The following DPP9 variants were observed in gnomAD, a reference collection of about 807,000 sequenced individuals.
DPP9 encodes the protein dipeptidyl peptidase IV-related protein-2.
In DPP9, 50 loss-of-function variants were observed where a neutral mutation model predicts 110.7. That is an observed-to-expected ratio of 0.45 (90% confidence interval 0.36 to 0.57). The LOEUF (loss-of-function observed/expected upper bound fraction) is 0.57. Among genes scored for constraint, DPP9 ranks in the 20% least tolerant of loss-of-function variants. The pLI is 0.00. For synonymous variants in DPP9, 561 were observed against 514.4 expected (o/e 1.09, Z -1.23); for missense variants, 1,022 against 1,217.9 (o/e 0.84, Z 2.39).
intron 20 of DPP9, 47 bp from the exon 21 acceptor site, chr19:4,679,993 G>A: frequency 4.3e-6 from 6 of 1,398,124 alleles, no homozygotes; most frequent in Non-Finnish European, 6.0e-6. Flanking sequence ...TTGTCCGTGG[G>A]GTAGGAGGGG....
chr19:4,684,637 C>T lies in DPP9; in HGVS notation c.2178+26G>A. The T allele has an allele frequency of 6.2e-7, 1 of 1,612,456 alleles. No individual in the cohort carries two copies. Among genetic ancestry groups the T allele is most frequent in the Non-Finnish European group, 8.5e-7 (1 of 1,179,364 alleles). The stretch of plus-strand genomic sequence containing the variant: ...GCTCCCTTCCCGAGACCCAAAGGAC[C>T]CAGAGCAACAGGGAGGAGTTGTTAC... On this transcript the variant is annotated intron_variant, in intron 18 of 21. Transcript: ENST00000262960. The surrounding 1 kb of genome is among the most constrained non-coding windows in gnomAD (Gnocchi z 4.8).
intron 11 of DPP9, among the ~76,000 whole-genome samples, chr19:4,696,462 CAAA>C (rs556314195): frequency 3.0e-5 from 2 of 66,120 alleles, no homozygotes; most frequent in African/African-American, 5.2e-5. Context: ...CTTGTCTCTA[CAAA>C]AAAAAAAAAA....
At chr19:4,714,641 G>A (rs1420873946) in intron 3 of DPP9, among the ~76,000 whole-genome samples, 4 of 152,122 alleles carry the variant, frequency 2.6e-5, no homozygotes, top group Non-Finnish European at 5.9e-5. Flanking sequence ...ATCCTCCTGC[G>A]TCAGCCTCCC....
intron 9 of DPP9, among the ~76,000 whole-genome samples, chr19:4,701,256 C>T (rs2092235532): frequency 6.6e-6 from 1 of 152,120 alleles, no homozygotes; most frequent in South Asian, 2.1e-4. Flanking sequence ...CCACTTGAGG[C>T]CAGGAGTTCG....
At position 4,676,232 on chromosome 19, in the gene DPP9, G is replaced by A. The variant is rs2088819358; in HGVS notation, c.*332C>T. On this transcript the variant is annotated 3_prime_UTR_variant, in exon 22 of 22. Coordinates refer to ENST00000262960, the MANE Select transcript of DPP9 (RefSeq NM_139159.5). This position sits in a 1 kb window ranked among gnomAD's most constrained non-coding sequence, Gnocchi z 4.0. ...AGGTCACAGGGAGCCCCAGGCGGAA[G>A]GCAGCCCGCTCCTCTGAGTCTCTTC... 6.5e-6 allele frequency: 2 copies of A among 305,598 alleles called. No individual in the cohort carries two copies. The highest frequency in any genetic ancestry group is 4.7e-5 in the Admixed American group (1 of 21,420). 18.9% of individuals were successfully genotyped at this position (305,598 alleles called of 1,614,324 possible).
Position 4,703,787 on chromosome 19 carries a change from G to T in DPP9, c.769+99C>A, listed in dbSNP as rs544470213. ...TATGCACGGGAGGGTGGCTTGTGAG[G>T]GGTGTGTGCAGGAAGACCCTGGCTG... On this transcript the variant is annotated intron_variant, in intron 7 of 21. Transcript: ENST00000262960. 7.9e-5 allele frequency: 103 copies of T among 1,310,790 alleles called. 1 individual carries two copies. In the South Asian group the frequency reaches 1.3e-3, roughly 17 times the overall value. 81.2% of individuals were successfully genotyped at this position (1,310,790 alleles called of 1,614,324 possible). A position where few individuals can be genotyped will look rare whatever the true frequency, so the allele number is the denominator to read the frequency against.
At chr19:4,696,102 T>C (rs2091779151) in intron 11 of DPP9, among the ~76,000 whole-genome samples, 2 of 152,108 alleles carry the variant, frequency 1.3e-5, no homozygotes, top group Admixed American at 6.6e-5. Flanking sequence ...GGTTTCATCA[T>C]GTTGGCCAGG....
In DPP9 at chr19:4,694,988, A is replaced by T. The variant is rs2091666900; in HGVS notation, c.1354-165T>A. 1 of 640,726 alleles carries T rather than the reference A, an allele frequency of 1.6e-6. No homozygotes were observed. Among genetic ancestry groups the T allele is most frequent in the Non-Finnish European group, 2.7e-6 (1 of 375,412 alleles). The allele number at this position is 640,726 out of a possible 1,614,324, so 39.7% of individuals were successfully genotyped here. ...AACATAGTAAGACCCCACCTCTAAAAATAAATAAATAAATTAGCCAGGCAT... is the reference window on the plus strand; with the variant it reads ...AACATAGTAAGACCCCACCTCTAAATATAAATAAATAAATTAGCCAGGCAT... On this transcript the variant is annotated intron_variant, in intron 12 of 21. Transcript: ENST00000262960. This position sits in a 1 kb window ranked among gnomAD's most constrained non-coding sequence, Gnocchi z 4.0.
At chr19:4,691,133 A>G (rs954265295) in intron 13 of DPP9, among the ~76,000 whole-genome samples, 176 bp from the exon 14 acceptor site, 1 of 152,174 alleles carries the variant, frequency 6.6e-6, no homozygotes, top group Non-Finnish European at 1.5e-5. Flanking sequence ...ATGGGCAAGG[A>G]AGCCTGCGGG....
intron 20 of DPP9, among the ~76,000 whole-genome samples, chr19:4,680,695 A>C (rs753676229): frequency 6.8e-6 from 1 of 147,638 alleles, no homozygotes; most frequent in Non-Finnish European, 1.5e-5. Flanking sequence ...GGTGGCTTAC[A>C]CCTGTAATCC....
chr19:4,690,124 G>A (rs779843504), intron 14 of DPP9, among the ~76,000 whole-genome samples: 30 of 152,348 alleles, frequency 2.0e-4, no homozygotes, highest in Middle Eastern at 3.4e-3. Context: ...AGGTGCTTGG[G>A]TTCAGAAGTG....
At chr19:4,697,528 G>A (rs748882676) in intron 11 of DPP9, 23 bp downstream of exon 11, 29 of 1,602,150 alleles carry the variant, frequency 1.8e-5, no homozygotes, top group African/African-American at 2.7e-5. Flanking sequence ...TGAATTCCTT[G>A]GGTTCCAGCC....
chr19:4,685,929 TC>T lies in DPP9; in HGVS notation c.1886-159del. On this transcript the variant is annotated intron_variant, in intron 16 of 21. Coordinates refer to ENST00000262960, the MANE Select transcript of DPP9 (RefSeq NM_139159.5). The surrounding 1 kb of genome is among the most constrained non-coding windows in gnomAD (Gnocchi z 5.8). Reference sequence around the variant, plus strand: ...GATAATTGAAAAAAACGTTTTTTTTTCATTAAATAAGATTTGTACAGTTTTT... The same window carrying T: ...GATAATTGAAAAAAACGTTTTTTTTTATTAAATAAGATTTGTACAGTTTTT... 1 of 793,932 alleles carries T rather than the reference TC, an allele frequency of 1.3e-6. No homozygotes were observed. Among genetic ancestry groups the T allele is most frequent in the South Asian group, 1.9e-5 (1 of 53,598 alleles). 49.2% of individuals were successfully genotyped at this position (793,932 alleles called of 1,614,324 possible).
At chr19:4,719,363 T>TAAATAAAC (rs1200820020) in intron 3 of DPP9, 10 of 131,726 alleles carry the variant, frequency 7.6e-5, no homozygotes, top group African/African-American at 2.7e-4. Context: ...AATAAATAAA[T>TAAATAAAC]AAATAAAAAT....
At position 4,684,147 on chromosome 19, in the gene DPP9, G is replaced by A. The variant is rs1293923144; in HGVS notation, c.2178+516C>T. ...CCCACTCATGTGAATGGGATGAGGG[G>A]CCCTTATAAAAGGGCCTGATGGAGG... On this transcript the variant is annotated intron_variant, in intron 18 of 21. Coordinates refer to ENST00000262960, the MANE Select transcript of DPP9 (RefSeq NM_139159.5). The surrounding 1 kb of genome is among the most constrained non-coding windows in gnomAD (Gnocchi z 4.8). 1 of 285,632 alleles carries A rather than the reference G, an allele frequency of 3.5e-6. No homozygotes were observed. The highest frequency in any genetic ancestry group is 6.9e-6 in the Non-Finnish European group (1 of 144,700). 17.7% of individuals were successfully genotyped at this position (285,632 alleles called of 1,614,324 possible).
intron 4 of DPP9, among the ~76,000 whole-genome samples, chr19:4,709,229 TG>T (rs1483151172): frequency 6.6e-6 from 1 of 151,594 alleles, no homozygotes; most frequent in African/African-American, 2.4e-5. Context: ...GTTGTTTGTT[TG>T]TTTTTTTTTT....
At chr19:4,696,324 T>C (rs1163772529) in intron 11 of DPP9, among the ~76,000 whole-genome samples, 2 of 151,984 alleles carry the variant, frequency 1.3e-5, no homozygotes, top group African/African-American at 2.4e-5. Flanking sequence ...CACAGGGACA[T>C]AAAATACTAA....
At chr19:4,715,019 CTTTTTTT>C (rs59314200) in intron 3 of DPP9, among the ~76,000 whole-genome samples, 131 of 68,614 alleles carry the variant, frequency 1.9e-3, no homozygotes, top group African/African-American at 7.6e-3. Flanking sequence ...TATATATATA[CTTTTTTT>C]TTTTTTTTTT....
In DPP9 at chr19:4,711,806, AGAGGG is replaced by A. The variant is rs2092847831; in HGVS notation, c.313+2270_313+2274del. Among the ~76,000 whole-genome samples, 4 of 143,734 alleles carry A rather than the reference AGAGGG, an allele frequency of 2.8e-5. No homozygotes were observed. The South Asian group carries it at 9.4e-4, about 34-fold the overall frequency. The allele number at this position is 143,734 out of a possible 152,430, so 94.3% of individuals were successfully genotyped here. On this transcript the variant is annotated intron_variant, in intron 4 of 21. Transcript: ENST00000262960. Reference sequence around the variant, plus strand: ...AAAAAAAAAAAAAAAAAAAGGAGGCAGAGGGGAATTTCAGACAGAAGAGAAGAAGA... The same window carrying A: ...AAAAAAAAAAAAAAAAAAAGGAGGCAGAATTTCAGACAGAAGAGAAGAAGA...
Sources: gnomAD v4.1 joint callset for allele counts (sites outside exome capture counted in the v4.1 genomes callset) on GRCh38, gnomAD v4.1.1 for gene constraint, Gnocchi (gnomAD v3.1) non-coding constraint, MANE v1.5 for transcripts, NCBI Gene and HGNC (gene_info 2026-07-23, HGNC 2026-07-21) for gene names.